Variants in NLGN1 observed in about 807,000 individuals in gnomAD.
The protein encoded by NLGN1 is neuroligin 1.
Under a neutral mutation model 65.5 loss-of-function variants are expected in NLGN1, and 12 were observed. That is an observed-to-expected ratio of 0.18 (90% CI 0.12 to 0.30). NLGN1 has a LOEUF of 0.30. NLGN1 is among the 10% of genes least tolerant of loss of function. The pLI is 1.00. For missense variants in NLGN1, 750 were observed against 1,007.1 expected (o/e 0.74, Z 3.46); for synonymous variants, 350 against 359.5 (o/e 0.97, Z 0.30).
At chr3:173,682,006 A>G (rs1764006802) in intron 3 of NLGN1, among the ~76,000 whole-genome samples, 1 of 152,192 alleles carries the variant, frequency 6.6e-6, no homozygotes, top group African/African-American at 2.4e-5. Flanking sequence ...TTTATTTAGT[A>G]GGAAAATAGG....
At chr3:173,880,956 C>T (rs1200838001) in intron 4 of NLGN1, among the ~76,000 whole-genome samples, 1 of 152,142 alleles carries the variant, frequency 6.6e-6, no homozygotes, top group African/African-American at 2.4e-5. Context: ...ACTATATGCA[C>T]AGCATCTATA....
intron 1 of NLGN1, among the ~76,000 whole-genome samples, chr3:173,403,192 T>C (rs2148613839): frequency 6.6e-6 from 1 of 152,268 alleles, no homozygotes; most frequent in Admixed American, 6.5e-5. Context: ...AAATAGAAAC[T>C]GAATAATTGG....
chr3:173,547,184 A>G (rs866598914), intron 2 of NLGN1, among the ~76,000 whole-genome samples: 13 of 152,124 alleles, frequency 8.5e-5, no homozygotes, highest in Admixed American at 5.9e-4. Context: ...AGCGAATATT[A>G]GTCTGAATCT....
At chr3:173,977,506 C>G (rs561371907) in intron 4 of NLGN1, among the ~76,000 whole-genome samples, 1 of 152,102 alleles carries the variant, frequency 6.6e-6, no homozygotes, top group East Asian at 1.9e-4. Flanking sequence ...TAAGGAGTTT[C>G]TTAAGCCCCA....
At chr3:173,941,693 G>A (rs1579315153) in intron 4 of NLGN1, among the ~76,000 whole-genome samples, 1 of 151,716 alleles carries the variant, frequency 6.6e-6, no homozygotes, top group East Asian at 1.9e-4. Flanking sequence ...TATATATATA[G>A]TGTGTATATA....
chr3:173,615,740 TC>T (rs1455309281), intron 3 of NLGN1, among the ~76,000 whole-genome samples: 40 of 85,980 alleles, frequency 4.7e-4, no homozygotes, highest in African/African-American at 1.8e-3. Context: ...TTTCCATCCA[TC>T]TGTTTTTTTT....
At position 173,718,338 on chromosome 3, in the gene NLGN1, C is replaced by CCAT. The variant is rs1770228893; in HGVS notation, c.494-89341_494-89340insATC. Among the ~76,000 whole-genome samples the CCAT allele has an allele frequency of 2.0e-5, 3 of 152,212 alleles. No homozygotes were observed. The South Asian group carries it at 6.2e-4, about 32-fold the overall frequency. ...CCTTCTGGTAACCATCATTCTACTC[C>CCAT]CTACCTCCATGAAATATCAATCTTT... On this transcript the variant is annotated intron_variant, in intron 3 of 6. Transcript: ENST00000457714.
At chr3:173,992,829 A>G (rs1721400717) in intron 4 of NLGN1, among the ~76,000 whole-genome samples, 1 of 152,228 alleles carries the variant, frequency 6.6e-6, no homozygotes, top group South Asian at 2.1e-4. Flanking sequence ...CTTATGCCAA[A>G]TAATACAGCA....
intron 4 of NLGN1, among the ~76,000 whole-genome samples, chr3:174,167,233 G>A (rs1727666170): frequency 6.6e-6 from 1 of 152,026 alleles, no homozygotes; most frequent in Non-Finnish European, 1.5e-5. Context: ...GAAGTTGTTA[G>A]CTGGTTGTTT....
At chr3:173,608,610 C>T (rs1489671940) in intron 3 of NLGN1, among the ~76,000 whole-genome samples, 2 of 151,770 alleles carry the variant, frequency 1.3e-5, no homozygotes, top group Non-Finnish European at 2.9e-5. Context: ...CCAACCTTAC[C>T]ACTGGCTGCT....
intron 1 of NLGN1, among the ~76,000 whole-genome samples, chr3:173,431,233 G>A (rs549516424): frequency 6.6e-6 from 1 of 152,166 alleles, no homozygotes; most frequent in Non-Finnish European, 1.5e-5. Flanking sequence ...AGATGTTCCT[G>A]GCTCATCTTG....
chr3:173,904,352 A>G (rs1737935234), intron 4 of NLGN1, among the ~76,000 whole-genome samples: 1 of 152,152 alleles, frequency 6.6e-6, no homozygotes, highest in East Asian at 1.9e-4. Context: ...CTGGAAAGAC[A>G]AACAACATAG....
intron 4 of NLGN1, among the ~76,000 whole-genome samples, chr3:174,153,409 A>G (rs1052721497): frequency 1.3e-5 from 2 of 152,092 alleles, no homozygotes; most frequent in Non-Finnish European, 2.9e-5. Context: ...TAAAATACCT[A>G]TAGGTATAGA....
intron 4 of NLGN1, among the ~76,000 whole-genome samples, chr3:173,895,598 C>T (rs1736206973): frequency 6.6e-6 from 1 of 152,062 alleles, no homozygotes; most frequent in Admixed American, 6.6e-5. Flanking sequence ...GACCAGAGAC[C>T]AGTAATCATT....
At chr3:174,265,047 C>G (rs1470327163) in intron 4 of NLGN1, among the ~76,000 whole-genome samples, 1 of 152,156 alleles carries the variant, frequency 6.6e-6, no homozygotes, top group African/African-American at 2.4e-5. Context: ...TCTCAGATCT[C>G]CAGCTGCGTG....
At chr3:173,793,219 G>A (rs994747668) in intron 3 of NLGN1, among the ~76,000 whole-genome samples, 1 of 152,082 alleles carries the variant, frequency 6.6e-6, no homozygotes, top group African/African-American at 2.4e-5. Flanking sequence ...GCAACCAAGA[G>A]CTTTCTACAA....
intron 3 of NLGN1, among the ~76,000 whole-genome samples, chr3:173,645,917 G>T (rs368579420): frequency 6.6e-6 from 1 of 152,144 alleles, no homozygotes; most frequent in African/African-American, 2.4e-5. Flanking sequence ...CTTTGAGCTT[G>T]CTCCTTAAAC....
At chr3:173,832,338 G>A (rs898677869) in intron 4 of NLGN1, among the ~76,000 whole-genome samples, 23 of 152,194 alleles carry the variant, frequency 1.5e-4, no homozygotes, top group African/African-American at 3.4e-4. Context: ...CTTCCAATGC[G>A]TATCTACTAT....
chr3:173,635,298 T>TA (rs1163667230), intron 3 of NLGN1, among the ~76,000 whole-genome samples: 4 of 152,138 alleles, frequency 2.6e-5, no homozygotes, highest in Non-Finnish European at 5.9e-5. Context: ...TATAGGGAGT[T>TA]ATTATCTTTG....
Sources: gnomAD v4.1 joint callset for allele counts (sites outside exome capture counted in the v4.1 genomes callset) on GRCh38, gnomAD v4.1.1 for gene constraint, MANE v1.5 for transcripts, NCBI Gene and HGNC (gene_info 2026-07-23, HGNC 2026-07-21) for gene names.